ANKRD45: variants seen among roughly 807,000 people sequenced by gnomAD.
The protein encoded by ANKRD45 is ankyrin repeat domain 45, also known as ankyrin repeat domain-containing protein 45.
In ANKRD45, 21 loss-of-function variants were observed where a neutral mutation model predicts 28.1. That is an observed-to-expected ratio of 0.75 (90% CI 0.53 to 1.08). The LOEUF is 1.08. ANKRD45 is among the 50% of genes least tolerant of loss of function. The probability of loss-of-function intolerance (pLI) is 0.00; values close to 1 mark genes in which losing one functional copy is unlikely to be tolerated. For missense variants in ANKRD45, 261 were observed against 308.7 expected (o/e 0.85, Z 1.16); for synonymous variants, 86 against 103.9 (o/e 0.83, Z 1.05).
the ANKRD45 span, among the ~76,000 whole-genome samples, chr1:173,707,248 A>G: frequency 1.3e-5 from 2 of 151,234 alleles, no homozygotes; most frequent in South Asian, 4.2e-4. Context: ...TACTACATTT[A>G]TCTTTGTCCC....
chr1:173,628,904 C>T (rs757779150), intron 3 of ANKRD45, among the ~76,000 whole-genome samples: 1 of 152,202 alleles, frequency 6.6e-6, no homozygotes, highest in Non-Finnish European at 1.5e-5. Context: ...CTTGTCTTAC[C>T]CCTCCCCCAG....
intron 5 of ANKRD45, among the ~76,000 whole-genome samples, chr1:173,612,336 G>GAAGGAAGGAAGC (rs1667201941): frequency 1.3e-5 from 2 of 149,914 alleles, no homozygotes; most frequent in African/African-American, 4.9e-5. Flanking sequence ...AGGAAGGAAG[G>GAAGGAAGGAAGC]AAGGAAGGAA....
chr1:173,686,229 G>A, the ANKRD45 span, among the ~76,000 whole-genome samples: 1 of 152,062 alleles, frequency 6.6e-6, no homozygotes, highest in Non-Finnish European at 1.5e-5. Context: ...AATAGTTCGA[G>A]GCAAAATTGA....
rs1667066421 is a variant in ANKRD45, at chr1:173,609,796, T to C, written c.*349A>G. The C allele has an allele frequency of 5.5e-6, 1 of 181,592 alleles. No homozygotes were observed. Among genetic ancestry groups the C allele is most frequent in the East Asian group, 1.4e-4 (1 of 7,046 alleles). 11.2% of individuals were successfully genotyped at this position (181,592 alleles called of 1,614,324 possible). ...AGGCAGGGAGAACAAATTTTTTCTC[T>C]GGAAATAGCCAAATATGTCCTTTTA... On this transcript the variant is annotated 3_prime_UTR_variant, in exon 6 of 6. Coordinates refer to ENST00000333279, the MANE Select transcript of ANKRD45 (RefSeq NM_198493.3).
At chr1:173,681,534 C>T in the ANKRD45 span, among the ~76,000 whole-genome samples, 5 of 152,082 alleles carry the variant, frequency 3.3e-5, no homozygotes, top group South Asian at 2.1e-4. Context: ...AATACATAGA[C>T]GTATTAGGCA....
At chr1:173,681,099 C>A in the ANKRD45 span, among the ~76,000 whole-genome samples, 1 of 151,938 alleles carries the variant, frequency 6.6e-6, no homozygotes, top group Admixed American at 6.6e-5. Flanking sequence ...CCTCCACATT[C>A]TGCACGTGTA....
At chr1:173,674,905 C>T in the ANKRD45 span, among the ~76,000 whole-genome samples, 1 of 152,148 alleles carries the variant, frequency 6.6e-6, no homozygotes, top group Non-Finnish European at 1.5e-5. Flanking sequence ...AAATGAGTCT[C>T]TGGTCTCAGG....
the ANKRD45 span, among the ~76,000 whole-genome samples, chr1:173,706,232 G>A: frequency 1.3e-3 from 197 of 149,584 alleles, no homozygotes; most frequent in African/African-American, 4.6e-3. Context: ...AACCTGGGTG[G>A]TGGAGGTTGC....
intron 5 of ANKRD45, among the ~76,000 whole-genome samples, chr1:173,613,567 C>A (rs1485824551): frequency 3.4e-5 from 5 of 148,226 alleles, no homozygotes; most frequent in East Asian, 2.0e-4. Context: ...GGTCAGCCCC[C>A]CCCCCGGCCA....
At chr1:173,669,870 G>A (rs956379582), upstream of ANKRD45, 1 of 169,576 alleles carries the variant, frequency 5.9e-6, no homozygotes, top group Admixed American at 6.5e-5. Context: ...AACACGCGAG[G>A]CAGCGCCTCC....
chr1:173,707,167 TATTAC>T, the ANKRD45 span, among the ~76,000 whole-genome samples: 1 of 152,184 alleles, frequency 6.6e-6, no homozygotes, highest in African/African-American at 2.4e-5. Context: ...GTCATTTATA[TATTAC>T]ATTATGAACG....
intron 5 of ANKRD45, among the ~76,000 whole-genome samples, chr1:173,613,016 G>A (rs539821126): frequency 0.055 from 8,361 of 151,984 alleles, 752 homozygotes; most frequent in African/African-American, 0.19. Flanking sequence ...CCGCCACCCC[G>A]TCTGGGAAGT....
At chr1:173,662,523 T>C (rs930970497) in intron 1 of ANKRD45, among the ~76,000 whole-genome samples, 6 of 152,152 alleles carry the variant, frequency 3.9e-5, no homozygotes, top group Non-Finnish European at 8.8e-5. Context: ...AAGATGGAGA[T>C]GGTTCAGCAG....
At chr1:173,659,036 ATTGCATC>A (rs1201032079) in intron 2 of ANKRD45, 48 bp downstream of exon 2, 1 of 1,570,096 alleles carries the variant, frequency 6.4e-7, no homozygotes, top group Non-Finnish European at 8.6e-7. Flanking sequence ...AAGATATTAC[ATTGCATC>A]TTTAGGTAGT....
intron 5 of ANKRD45, chr1:173,612,837 C>T (rs1667233301): frequency 1.2e-5 from 2 of 164,542 alleles, no homozygotes; most frequent in Non-Finnish European, 2.6e-5. Context: ...GAGTGATCCG[C>T]CAGCCTCGGC....
chr1:173,616,035 G>A (rs964387003), intron 5 of ANKRD45, among the ~76,000 whole-genome samples: 8 of 151,872 alleles, frequency 5.3e-5, no homozygotes, highest in African/African-American at 1.5e-4. Context: ...CCCAGGAGGC[G>A]GAGCTTGCAG....
At chr1:173,663,080 CA>C in intron 1 of ANKRD45, among the ~76,000 whole-genome samples, 1 of 151,684 alleles carries the variant, frequency 6.6e-6, no homozygotes, top group African/African-American at 2.4e-5. Context: ...CACACACACA[CA>C]CACACACACA....
At chr1:173,653,581 C>A (rs967722512) in intron 2 of ANKRD45, among the ~76,000 whole-genome samples, 1 of 152,048 alleles carries the variant, frequency 6.6e-6, no homozygotes, top group Non-Finnish European at 1.5e-5. Flanking sequence ...TCTGTTGATT[C>A]GGGGTGCAGC....
intron 3 of ANKRD45, 113 bp downstream of exon 3, chr1:173,646,733 T>C (rs1668948208): frequency 9.6e-7 from 1 of 1,040,332 alleles, no homozygotes; most frequent in Admixed American, 2.3e-5. Flanking sequence ...CAACTGTGAC[T>C]GTGGTTGTAT....
Sources: gnomAD v4.1 joint callset for allele counts (sites outside exome capture counted in the v4.1 genomes callset) on GRCh38, gnomAD v4.1.1 for gene constraint, MANE v1.5 for transcripts, NCBI Gene and HGNC (gene_info 2026-07-23, HGNC 2026-07-21) for gene names.